Variants in KLF7 observed in about 807,000 individuals in gnomAD.
KLF7 encodes KLF transcription factor 7.
Under a neutral mutation model 27.3 loss-of-function variants are expected in KLF7, and 2 were observed. That is an observed-to-expected ratio of 0.07 (90% CI 0.03 to 0.23). The LOEUF (loss-of-function observed/expected upper bound fraction) is 0.23. Ranked by LOEUF, KLF7 falls within the 10% of genes least tolerant of loss-of-function variation. The pLI, the probability that KLF7 is intolerant of heterozygous loss-of-function variation, is 1.00. For synonymous variants in KLF7, 165 were observed against 162.4 expected (o/e 1.02, Z -0.12); for missense variants, 221 against 394.1 (o/e 0.56, Z 3.72).
chr2:207,141,146 A>G (rs1574547418), intron 1 of KLF7, among the ~76,000 whole-genome samples: 1 of 152,312 alleles, frequency 6.6e-6, no homozygotes, highest in African/African-American at 2.4e-5. Context: ...CGTGAATATA[A>G]TAAATTTCTC....
rs2077416367 is a variant in KLF7 at position 207,124,189 on chromosome 2, A to G, written c.318T>C (p.Ser106=). Residue 106 remains serine (S), a synonymous_variant, in exon 2 of 4, where the codon TCT becomes TCC. Coordinates refer to ENST00000309446, the MANE Select transcript of KLF7 (RefSeq NM_003709.4). ...DILLSRDKLL[S]ETCLSLQPAS... is the part of the protein sequence containing the mutation. The stretch of plus-strand genomic sequence containing the variant: ...CCGGCTGGAGGCTGAGGCAGGTCTC[A>G]GATAGCAACTTGTCCCGAGAGAGCA... 6.2e-7 allele frequency: 1 copy of G among 1,614,164 alleles called. No individual in the cohort carries two copies. Among genetic ancestry groups the G allele is most frequent in the East Asian group, 2.2e-5 (1 of 44,868 alleles).
chr2:207,144,830 C>A (rs1450428085), intron 1 of KLF7, among the ~76,000 whole-genome samples: 1 of 152,226 alleles, frequency 6.6e-6, no homozygotes, highest in Non-Finnish European at 1.5e-5. Flanking sequence ...GCTTCAGCTT[C>A]TCCAATTCTG....
chr2:207,095,499 A>G (rs533168722), intron 2 of KLF7, among the ~76,000 whole-genome samples: 1 of 152,328 alleles, frequency 6.6e-6, no homozygotes, highest in African/African-American at 2.4e-5. Flanking sequence ...ATACGGAGAG[A>G]GGTGAGAAAA....
chr2:207,119,973 C>T (rs1212572308), intron 2 of KLF7, among the ~76,000 whole-genome samples: 5 of 152,162 alleles, frequency 3.3e-5, no homozygotes, highest in Admixed American at 6.5e-5. Flanking sequence ...GGATTAGGGG[C>T]GTGAGCCACC....
intron 1 of KLF7, among the ~76,000 whole-genome samples, chr2:207,159,411 A>G (rs901223575): frequency 5.9e-5 from 9 of 152,350 alleles, no homozygotes; most frequent in African/African-American, 2.2e-4. Context: ...GTGTTCCAAC[A>G]CAGAACTGAA....
intron 1 of KLF7, among the ~76,000 whole-genome samples, chr2:207,164,783 G>C (rs73985508): frequency 0.026 from 3,976 of 152,244 alleles, 172 homozygotes; most frequent in African/African-American, 0.089. Flanking sequence ...AGAGAAACAA[G>C]GACACGCATA....
At chr2:207,131,293 C>T (rs1190543085) in intron 1 of KLF7, among the ~76,000 whole-genome samples, 1 of 152,200 alleles carries the variant, frequency 6.6e-6, no homozygotes, top group Non-Finnish European at 1.5e-5. Context: ...CCCATGGGAG[C>T]CCTTTCTGAC....
At chr2:207,119,081 A>G (rs10170608) in intron 2 of KLF7, among the ~76,000 whole-genome samples, 45,957 of 152,112 alleles carry the variant, frequency 0.3, 7,533 homozygotes, top group Admixed American at 0.42. Flanking sequence ...TCGGGACAAA[A>G]TCTAGAGAAT....
chr2:207,104,025 C>T (rs915505243), intron 2 of KLF7, among the ~76,000 whole-genome samples: 1 of 152,178 alleles, frequency 6.6e-6, no homozygotes, highest in East Asian at 1.9e-4. Context: ...GAGCAGACCA[C>T]CTCCAGAGGC....
chr2:207,093,769 C>T (rs1418062240), intron 2 of KLF7, among the ~76,000 whole-genome samples: 1 of 152,164 alleles, frequency 6.6e-6, no homozygotes, highest in Non-Finnish European at 1.5e-5. Context: ...CCTGAATACA[C>T]CTAGAGGGGC....
At chr2:207,144,468 C>A (rs2078040098) in intron 1 of KLF7, among the ~76,000 whole-genome samples, 2 of 152,104 alleles carry the variant, frequency 1.3e-5, no homozygotes, top group Non-Finnish European at 2.9e-5. Flanking sequence ...AAAATGACAC[C>A]ACCAACCCTA....
At chr2:207,166,351 G>A (rs1160267572), upstream of KLF7, 2 of 226,122 alleles carry the variant, frequency 8.8e-6, no homozygotes, top group African/African-American at 2.3e-5. Context: ...TTTTTAGAGG[G>A]CTATATAAGG....
At chr2:207,139,702 G>A (rs1388504183) in intron 1 of KLF7, among the ~76,000 whole-genome samples, 1 of 152,140 alleles carries the variant, frequency 6.6e-6, no homozygotes, top group East Asian at 1.9e-4. Flanking sequence ...TGGTGAGACT[G>A]GGGCAAATAG....
intron 2 of KLF7, among the ~76,000 whole-genome samples, chr2:207,106,543 T>C (rs2076887980): frequency 6.6e-6 from 1 of 152,172 alleles, no homozygotes; most frequent in Admixed American, 6.5e-5. Flanking sequence ...GCATTCATCG[T>C]CTGGTATTTA....
chr2:207,160,242 G>A (rs936067070), intron 1 of KLF7, among the ~76,000 whole-genome samples: 2 of 152,168 alleles, frequency 1.3e-5, no homozygotes, highest in Middle Eastern at 3.4e-3. Context: ...ACCCCCAATC[G>A]TTTATGCTAA....
intron 2 of KLF7, among the ~76,000 whole-genome samples, chr2:207,094,056 A>C (rs943701052): frequency 1.3e-5 from 2 of 152,248 alleles, no homozygotes; most frequent in Non-Finnish European, 2.9e-5. Flanking sequence ...GCGTCATTTT[A>C]TGAAACTCAT....
chr2:207,152,937 G>A (rs1309963506), intron 1 of KLF7, among the ~76,000 whole-genome samples: 1 of 152,158 alleles, frequency 6.6e-6, no homozygotes, highest in Non-Finnish European at 1.5e-5. Context: ...CTGTCTAAAA[G>A]CATTCAAATT....
chr2:207,129,027 G>T (rs557049533), intron 1 of KLF7, among the ~76,000 whole-genome samples: 1 of 152,170 alleles, frequency 6.6e-6, no homozygotes, highest in Non-Finnish European at 1.5e-5. Flanking sequence ...CTATGGTTGC[G>T]TAACATTAGG....
rs2078687025 is a variant in KLF7 at position 207,165,724 on chromosome 2, A to G, written c.-156T>C. The G allele has an allele frequency of 2.1e-6, 3 of 1,457,788 alleles. No homozygotes were observed. The highest frequency in any genetic ancestry group is 2.7e-6 in the Non-Finnish European group (3 of 1,112,608). 90.3% of individuals were successfully genotyped at this position (1,457,788 alleles called of 1,614,324 possible). On this transcript the variant is annotated 5_prime_UTR_variant, in exon 1 of 4. Transcript: ENST00000309446. ...TCAGTCAACTAAAAAGGAAAAAAAAAAATCAATGCAGGAGAGGGAGAGAGG... is the reference window on the plus strand; with the variant it reads ...TCAGTCAACTAAAAAGGAAAAAAAAGAATCAATGCAGGAGAGGGAGAGAGG...
Sources: allele counts gnomAD v4.1 joint callset (sites outside exome capture counted in the v4.1 genomes callset), GRCh38; gene constraint gnomAD v4.1.1; transcripts MANE v1.5; gene names NCBI Gene and HGNC (gene_info 2026-07-23, HGNC 2026-07-21).